VOPP1: variants seen among roughly 807,000 people sequenced by gnomAD.
VOPP1 encodes WW domain binding protein VOPP1.
A neutral mutation model predicts 23.5 loss-of-function variants in VOPP1; 8 were observed. The ratio of observed to expected loss-of-function variants is 0.34; its 90% CI spans 0.20 to 0.61. The LOEUF (loss-of-function observed/expected upper bound fraction) is 0.61. Among genes scored for constraint, VOPP1 ranks in the 20% least tolerant of loss-of-function variants. VOPP1 has a pLI of 0.78. For synonymous variants in VOPP1, 83 were observed against 97.3 expected (o/e 0.85, Z 0.86); for missense variants, 174 against 238.1 (o/e 0.73, Z 1.77).
Position 55,517,401 on chromosome 7 carries a change from A to C in VOPP1, c.113+3671T>G, listed in dbSNP as rs568706099. Among the ~76,000 whole-genome samples, 10 of 152,206 alleles carry C rather than the reference A, an allele frequency of 6.6e-5. No homozygotes were observed. In the South Asian group the frequency reaches 1.9e-3, roughly 28 times the overall value. ...AACTGACACGTCGTGGGCCCTCCACAGACACCTGTGGATGGAATGAATGAA... is the reference window on the plus strand; with the variant it reads ...AACTGACACGTCGTGGGCCCTCCACCGACACCTGTGGATGGAATGAATGAA... On this transcript the variant is annotated intron_variant, in intron 2 of 4. Transcript: ENST00000285279.
intron 3 of VOPP1, among the ~76,000 whole-genome samples, chr7:55,494,982 T>C (rs1239142106): frequency 1.3e-5 from 2 of 151,780 alleles, no homozygotes; most frequent in African/African-American, 2.4e-5. Context: ...GGAAGGTTTG[T>C]GCCTTTTTTT....
At chr7:55,540,691 A>G (rs78413443) in intron 1 of VOPP1, among the ~76,000 whole-genome samples, 81 of 152,332 alleles carry the variant, frequency 5.3e-4, no homozygotes, top group Non-Finnish European at 1.0e-3. Context: ...CTGCCCTCAC[A>G]GAGCACTCAC....
chr7:55,458,353 T>C (rs1791418585), intron 4 of VOPP1, among the ~76,000 whole-genome samples: 2 of 152,182 alleles, frequency 1.3e-5, no homozygotes, highest in South Asian at 4.1e-4. Context: ...TTAAGTAGTG[T>C]GATGCTTCCA....
At chr7:55,540,043 G>T (rs1186325894) in intron 1 of VOPP1, among the ~76,000 whole-genome samples, 1 of 151,966 alleles carries the variant, frequency 6.6e-6, no homozygotes, top group East Asian at 1.9e-4. Context: ...TCACGGAAAT[G>T]ATGGTATAAA....
chr7:55,449,780 G>A (rs979176304), intron 4 of VOPP1, among the ~76,000 whole-genome samples: 4 of 152,060 alleles, frequency 2.6e-5, no homozygotes, highest in Admixed American at 6.5e-5. Flanking sequence ...CCCGCACTGT[G>A]CCCTCTACCG....
At chr7:55,478,872 T>C (rs1792473401) in intron 4 of VOPP1, among the ~76,000 whole-genome samples, 1 of 152,220 alleles carries the variant, frequency 6.6e-6, no homozygotes, top group Non-Finnish European at 1.5e-5. Flanking sequence ...CAAGGGACTC[T>C]CCTTCCAGTG....
chr7:55,436,660 G>A (rs115798403), intron 4 of VOPP1, among the ~76,000 whole-genome samples: 5 of 150,914 alleles, frequency 3.3e-5, no homozygotes, highest in Non-Finnish European at 5.9e-5. Flanking sequence ...GTGTGTGTGC[G>A]TGTGTGCGTG....
intron 4 of VOPP1, among the ~76,000 whole-genome samples, chr7:55,446,174 T>C (rs141778702): frequency 0.025 from 3,762 of 152,190 alleles, 172 homozygotes; most frequent in African/African-American, 0.086. Context: ...TTTGTATTTT[T>C]AGTAGAGACG....
intron 4 of VOPP1, among the ~76,000 whole-genome samples, chr7:55,445,115 T>A (rs1280116583): frequency 2.0e-5 from 3 of 152,172 alleles, no homozygotes; most frequent in African/African-American, 7.2e-5. Context: ...GTATCTTGCA[T>A]AACAGAACAG....
chr7:55,564,692 C>T (rs1409392702), intron 1 of VOPP1, among the ~76,000 whole-genome samples: 4 of 152,170 alleles, frequency 2.6e-5, no homozygotes, highest in Non-Finnish European at 5.9e-5. Context: ...CGCAGGTGTG[C>T]AGCCACCTGG....
downstream of VOPP1, among the ~76,000 whole-genome samples, chr7:55,465,946 A>G (rs191161253): frequency 4.6e-5 from 7 of 152,284 alleles, no homozygotes; most frequent in East Asian, 1.9e-4. Context: ...CCCAAATGTC[A>G]TATGTTGAAA....
intron 1 of VOPP1, among the ~76,000 whole-genome samples, chr7:55,551,500 A>C (rs1797605044): frequency 6.6e-6 from 1 of 152,134 alleles, no homozygotes; most frequent in Non-Finnish European, 1.5e-5. Flanking sequence ...TAAATGCACA[A>C]ACACTTGGTG....
intron 1 of VOPP1, among the ~76,000 whole-genome samples, chr7:55,530,042 CAGATATCTTAAT>C (rs1007307299): frequency 2.0e-5 from 3 of 152,134 alleles, no homozygotes; most frequent in African/African-American, 7.2e-5. Context: ...CTTGCATGGA[CAGATATCTTAAT>C]TTCTTGGGTA....
chr7:55,484,515 G>A (rs892780957), intron 4 of VOPP1, among the ~76,000 whole-genome samples: 3 of 152,166 alleles, frequency 2.0e-5, no homozygotes, highest in African/African-American at 7.2e-5. Context: ...AGTGGTCTCT[G>A]TGCCAGCCAG....
chr7:55,480,011 G>A (rs1193558023), intron 4 of VOPP1, among the ~76,000 whole-genome samples: 1 of 152,170 alleles, frequency 6.6e-6, no homozygotes, highest in Admixed American at 6.5e-5. Flanking sequence ...CTTTTGTTAA[G>A]AAGATCATGG....
chr7:55,482,549 T>C lies in VOPP1; in HGVS notation c.329-9504A>G, dbSNP rs549625394. ...GGATTCACCGTGTTAGTCAGGGAGG[T>C]AGGGCGGTCTCGATCTCCTGACCTC... is the stretch of plus-strand genomic sequence containing the variant. On this transcript the variant is annotated intron_variant, in intron 4 of 4. Transcript: ENST00000285279. 9.0e-4 allele frequency among the ~76,000 whole-genome samples: 130 copies of C among 145,016 alleles called. 1 individual carries two copies. The highest frequency in any genetic ancestry group is 3.9e-3 in the South Asian group (18 of 4,596).
intron 1 of VOPP1, among the ~76,000 whole-genome samples, chr7:55,531,306 C>G (rs953099322): frequency 3.3e-5 from 5 of 151,460 alleles, no homozygotes; most frequent in Non-Finnish European, 7.4e-5. Flanking sequence ...AAGCAATGAA[C>G]AGGACCAAAC....
At chr7:55,462,653 ATATT>A (rs1791530378) in intron 4 of VOPP1, among the ~76,000 whole-genome samples, 1 of 117,850 alleles carries the variant, frequency 8.5e-6, no homozygotes. Flanking sequence ...ACTCTTGATT[ATATT>A]TTTTTTTTTT....
chr7:55,559,621 A>C (rs969703455), intron 1 of VOPP1, among the ~76,000 whole-genome samples: 1 of 152,214 alleles, frequency 6.6e-6, no homozygotes, highest in African/African-American at 2.4e-5. Flanking sequence ...CTTCTCATGC[A>C]ATTCAGAAAG....
Sources: allele counts gnomAD v4.1 joint callset (sites outside exome capture counted in the v4.1 genomes callset), GRCh38; gene constraint gnomAD v4.1.1; transcripts MANE v1.5; gene names NCBI Gene and HGNC (gene_info 2026-07-23, HGNC 2026-07-21).